CDK15: variants seen among roughly 807,000 people sequenced by gnomAD.
CDK15 encodes the protein cyclin-dependent kinase 15.
CDK15 carries 62 observed loss-of-function variants against 60.3 expected under a neutral mutation model. That is an observed-to-expected ratio of 1.03 (90% CI 0.84 to 1.27). The LOEUF is 1.27. Ranked by LOEUF, CDK15 falls within the 50% of genes most tolerant of loss-of-function variation. The pLI, the probability that CDK15 is intolerant of heterozygous loss-of-function variation, is 0.00. For missense variants in CDK15, 541 were observed against 527.8 expected (o/e 1.03, Z -0.25); for synonymous variants, 194 against 195.7 (o/e 0.99, Z 0.07).
At chr2:201,853,794 G>A (rs887287898) in intron 9 of CDK15, among the ~76,000 whole-genome samples, 14 of 151,470 alleles carry the variant, frequency 9.2e-5, no homozygotes, top group African/African-American at 2.4e-4. Context: ...TTCATCCAAA[G>A]TCTGAGCTGT....
At chr2:201,822,948 G>C (rs767585871) in intron 5 of CDK15, 45 bp downstream of exon 5, 1 of 1,065,416 alleles carries the variant, frequency 9.4e-7, no homozygotes, top group Non-Finnish European at 1.5e-6. Context: ...AAATAACCTG[G>C]TACTTGTATA....
intron 10 of CDK15, among the ~76,000 whole-genome samples, chr2:201,864,469 C>G (rs1340568196): frequency 6.6e-6 from 1 of 152,162 alleles, no homozygotes; most frequent in African/African-American, 2.4e-5. Context: ...AGGTGTGCGG[C>G]CCCATGCCCA....
rs1242526154 is a variant in CDK15 at position 201,880,159 on chromosome 2, T to C, written c.1190T>C (p.Leu397Pro). ...FSALPSQLYQLPDEESLFTVS... is the reference protein window; with the variant it reads ...FSALPSQLYQPPDEESLFTVS... ...GCCCTGCCATCTCAGCTGTACCAGC[T>C]TCCTGATGGTGAGCGAGGGAGTGTG... The change falls in exon 12 of 14, where the codon CTT becomes CCT. Residue 397 changes from leucine (L) to proline (P), a missense_variant. Physicochemically the swap from Leu to Pro is moderately conservative, Grantham distance 98 (BLOSUM62 -3). Transcript: ENST00000652192. The C allele has an allele frequency of 1.2e-6, 2 of 1,614,016 alleles. No homozygotes were observed. The highest frequency in any genetic ancestry group is 2.2e-5 in the South Asian group (2 of 91,052).
chr2:201,835,964 A>ATTTT (rs1294345944), intron 8 of CDK15, among the ~76,000 whole-genome samples: 5 of 99,994 alleles, frequency 5.0e-5, no homozygotes, highest in Admixed American at 1.4e-4. Context: ...ATTTGTATAT[A>ATTTT]TTTATATATT....
intron 13 of CDK15, 50 bp downstream of exon 13, chr2:201,890,977 T>C (rs961260826): frequency 4.1e-5 from 40 of 977,644 alleles, no homozygotes; most frequent in East Asian, 7.7e-5. Context: ...TGAAAAGCAA[T>C]TGGTGCCGGG....
rs532620295 is a variant in CDK15, at chr2:201,865,066, T to TA, written c.1010-7211dup. On this transcript the variant is annotated intron_variant, in intron 10 of 13. Transcript: ENST00000652192. Reference sequence around the variant, plus strand: ...AGCCAGAGGAGCTAAAGGAGACTAGTAGGTAATCCTAGCAATACCATGGAA... The same window carrying TA: ...AGCCAGAGGAGCTAAAGGAGACTAGTAAGGTAATCCTAGCAATACCATGGAA... Among the ~76,000 whole-genome samples the TA allele has an allele frequency of 3.3e-5, 5 of 152,084 alleles. No individual in the cohort carries two copies. The South Asian group carries it at 6.2e-4, about 19-fold the overall frequency.
intron 6 of CDK15, 126 bp downstream of exon 6, chr2:201,823,853 G>A: frequency 1.4e-6 from 1 of 730,666 alleles, no homozygotes. Flanking sequence ...TGATATTCCA[G>A]AAAAAAGTTT....
At chr2:201,813,133 T>G (rs1163875592) in intron 4 of CDK15, among the ~76,000 whole-genome samples, 1 of 152,214 alleles carries the variant, frequency 6.6e-6, no homozygotes, top group Non-Finnish European at 1.5e-5. Context: ...TTACTCAGTT[T>G]CTTGCAGGAA....
At chr2:201,859,476 T>C (rs557455459) in intron 10 of CDK15, among the ~76,000 whole-genome samples, 2 of 152,094 alleles carry the variant, frequency 1.3e-5, no homozygotes, top group Non-Finnish European at 2.9e-5. Context: ...ACAGTGTAGG[T>C]TTCACCATCA....
chr2:201,871,999 T>A (rs1698866202), intron 10 of CDK15, among the ~76,000 whole-genome samples: 1 of 152,114 alleles, frequency 6.6e-6, no homozygotes, highest in Non-Finnish European at 1.5e-5. Flanking sequence ...ACATCTACAA[T>A]GACCCTATTT....
At chr2:201,879,864 TG>T (rs1699211467) in intron 11 of CDK15, among the ~76,000 whole-genome samples, 163 bp from the exon 12 acceptor site, 1 of 152,140 alleles carries the variant, frequency 6.6e-6, no homozygotes, top group African/African-American at 2.4e-5. Flanking sequence ...GAGTTTAGTA[TG>T]GGGGTTACTT....
intron 7 of CDK15, among the ~76,000 whole-genome samples, 181 bp downstream of exon 7, chr2:201,834,152 T>G (rs1416102073): frequency 6.6e-6 from 1 of 152,144 alleles, no homozygotes; most frequent in African/African-American, 2.4e-5. Flanking sequence ...ATTGGTAGCT[T>G]TCTAGGATTC....
chr2:201,842,441 G>A (rs962033607), intron 8 of CDK15, among the ~76,000 whole-genome samples: 2 of 152,082 alleles, frequency 1.3e-5, no homozygotes, highest in African/African-American at 2.4e-5. Flanking sequence ...CACATTTCTC[G>A]CTGCAAACTT....
intron 6 of CDK15, among the ~76,000 whole-genome samples, chr2:201,833,168 T>A (rs1232875025): frequency 6.8e-6 from 1 of 147,384 alleles, no homozygotes; most frequent in African/African-American, 2.5e-5. Context: ...TTCTCCCTTC[T>A]TCCTCCTACA....
At chr2:201,865,892 C>CCAA (rs753825925) in intron 10 of CDK15, among the ~76,000 whole-genome samples, 2 of 40,084 alleles carry the variant, frequency 5.0e-5, no homozygotes, top group African/African-American at 1.5e-4. Flanking sequence ...TCCATCTCAA[C>CCAA]AAAAAAAAAA....
chr2:201,816,986 C>T (rs1275300386), intron 4 of CDK15, among the ~76,000 whole-genome samples: 2 of 152,222 alleles, frequency 1.3e-5, no homozygotes, highest in African/African-American at 4.8e-5. Context: ...GTAGAGCTAC[C>T]TATGAGCTGC....
At chr2:201,866,052 G>A (rs1240766402) in intron 10 of CDK15, among the ~76,000 whole-genome samples, 1 of 150,414 alleles carries the variant, frequency 6.6e-6, no homozygotes, top group Non-Finnish European at 1.5e-5. Context: ...GTGTGTTTGG[G>A]GTGAGGGTGA....
In CDK15 at chr2:201,882,645, C is replaced by CTG. The variant is rs1174507488; in HGVS notation, c.1198+2489_1198+2490dup. On this transcript the variant is annotated intron_variant, in intron 12 of 13. Transcript: ENST00000652192. The surrounding 1 kb of genome is among the most constrained non-coding windows in gnomAD (Gnocchi z 4.0). Reference sequence around the variant, plus strand: ...GGGGCAAGATTGGGTGTGTGTGCTTCTGTGTGTGTGTGCTCGTGCACATGA... The same window carrying CTG: ...GGGGCAAGATTGGGTGTGTGTGCTTCTGTGTGTGTGTGTGCTCGTGCACATGA... Among the ~76,000 whole-genome samples, 4 of 147,604 alleles carry CTG rather than the reference C, an allele frequency of 2.7e-5. No individual in the cohort carries two copies. Among genetic ancestry groups the CTG allele is most frequent in the Non-Finnish European group, 6.1e-5 (4 of 66,034 alleles).
chr2:201,854,797 C>T, intron 9 of CDK15, 77 bp from the exon 10 acceptor site: 1 of 1,238,470 alleles, frequency 8.1e-7, no homozygotes, highest in Non-Finnish European at 1.2e-6. Flanking sequence ...CTGATTTGTC[C>T]TGCATGTCTC....
Sources: gnomAD v4.1 joint callset for allele counts (sites outside exome capture counted in the v4.1 genomes callset) on GRCh38, gnomAD v4.1.1 for gene constraint, Gnocchi (gnomAD v3.1) non-coding constraint, MANE v1.5 for transcripts, NCBI Gene and HGNC (gene_info 2026-07-23, HGNC 2026-07-21) for gene names.